The following COG5 variants were observed in gnomAD, a reference collection of about 807,000 sequenced individuals.
COG5 encodes the protein component of oligomeric golgi complex 5.
Under a neutral mutation model 110.4 loss-of-function variants are expected in COG5, and 86 were observed. The observed-to-expected ratio is 0.78, with a 90% CI of 0.65 to 0.93. The LOEUF (loss-of-function observed/expected upper bound fraction) is 0.93, where lower values mean the gene tolerates loss of function less well. Ranked by LOEUF, COG5 falls within the 40% of genes least tolerant of loss-of-function variation. The pLI is 0.00. For synonymous variants in COG5, 360 were observed against 334.6 expected, an observed-to-expected ratio of 1.08 and a Z score of -0.83; for missense variants, 1,077 against 987.0, an observed-to-expected ratio of 1.09 and a Z score of -1.22.
chr7:107,342,342 A>G (rs575606116), intron 10 of COG5, among the ~76,000 whole-genome samples: 1 of 150,974 alleles, frequency 6.6e-6, no homozygotes, highest in Non-Finnish European at 1.5e-5. Context: ...TAGCTATTAT[A>G]AAAGAGTCAA....
intron 19 of COG5, 128 bp from the exon 20 acceptor site, chr7:107,211,353 T>A: frequency 2.0e-6 from 2 of 1,015,318 alleles, no homozygotes; most frequent in Non-Finnish European, 3.0e-6. Context: ...CTCCACTGCT[T>A]AACCACTCTA....
chr7:107,342,535 G>A (rs1047405604), intron 10 of COG5, among the ~76,000 whole-genome samples: 3 of 151,908 alleles, frequency 2.0e-5, no homozygotes, highest in Admixed American at 6.6e-5. Flanking sequence ...AAAATTAGCT[G>A]GGCATGGTGG....
chr7:107,207,682 C>G (rs761548573), intron 21 of COG5, among the ~76,000 whole-genome samples: 2 of 152,248 alleles, frequency 1.3e-5, no homozygotes, highest in Admixed American at 6.5e-5. Flanking sequence ...AGGGAGCACA[C>G]GTGTCTGGAG....
intron 13 of COG5, among the ~76,000 whole-genome samples, chr7:107,282,917 C>T (rs78221160): frequency 0.027 from 4,102 of 152,150 alleles, 172 homozygotes; most frequent in African/African-American, 0.093. Context: ...TTCCTTAAAA[C>T]GTCCATCTCA....
At chr7:107,289,923 T>C (rs1194112016) in intron 12 of COG5, among the ~76,000 whole-genome samples, 1 of 152,232 alleles carries the variant, frequency 6.6e-6, no homozygotes, top group Non-Finnish European at 1.5e-5. Context: ...AATTGAGTTA[T>C]GCAAAAAAAC....
chr7:107,346,455 A>T (rs182425871), intron 10 of COG5, among the ~76,000 whole-genome samples: 6 of 152,338 alleles, frequency 3.9e-5, no homozygotes, highest in African/African-American at 1.4e-4. Flanking sequence ...CCTAGGCAAA[A>T]CTTGTTCAAG....
chr7:107,428,922 T>A (rs1421701295), intron 6 of COG5, among the ~76,000 whole-genome samples: 1 of 152,180 alleles, frequency 6.6e-6, no homozygotes, highest in African/African-American at 2.4e-5. Context: ...TGAATGAATA[T>A]GCTTATAAAG....
intron 18 of COG5, among the ~76,000 whole-genome samples, chr7:107,235,270 A>G (rs922711551): frequency 6.6e-6 from 1 of 152,230 alleles, no homozygotes; most frequent in East Asian, 1.9e-4. Context: ...GAAGCAAGAC[A>G]CACTCCCGGA....
intron 19 of COG5, among the ~76,000 whole-genome samples, chr7:107,216,630 A>G (rs981108860): frequency 2.6e-5 from 4 of 152,378 alleles, no homozygotes; most frequent in East Asian, 1.9e-4. Context: ...TGGAAATTAA[A>G]CAACATGCCC....
intron 6 of COG5, among the ~76,000 whole-genome samples, chr7:107,483,265 G>T (rs187949662): frequency 2.2e-4 from 34 of 152,212 alleles, no homozygotes; most frequent in African/African-American, 7.7e-4. Context: ...CTTTCACTAA[G>T]AACTTTTTCC....
At chr7:107,242,925 G>A (rs961630036) in intron 17 of COG5, among the ~76,000 whole-genome samples, 24 of 152,092 alleles carry the variant, frequency 1.6e-4, no homozygotes, top group African/African-American at 5.8e-4. Flanking sequence ...CCTCCGATTT[G>A]GGGAAGGAAC....
chr7:107,386,566 G>C (rs529582445), intron 7 of COG5, among the ~76,000 whole-genome samples: 1 of 152,246 alleles, frequency 6.6e-6, no homozygotes, highest in Non-Finnish European at 1.5e-5. Context: ...GTTTGGGGGG[G>C]ATTGTTCAGG....
At chr7:107,392,652 A>G (rs1284740168) in intron 7 of COG5, among the ~76,000 whole-genome samples, 1 of 150,380 alleles carries the variant, frequency 6.6e-6, no homozygotes, top group Non-Finnish European at 1.5e-5. Flanking sequence ...TCACTAATTC[A>G]TGAGGGAAAG....
intron 14 of COG5, among the ~76,000 whole-genome samples, chr7:107,276,038 C>G (rs1190401871): frequency 2.0e-5 from 3 of 152,070 alleles, no homozygotes; most frequent in Admixed American, 2.0e-4. Flanking sequence ...AGCTACTGAT[C>G]TGCATTGAAG....
chr7:107,306,492 A>G (rs574973890), intron 11 of COG5, among the ~76,000 whole-genome samples: 80 of 152,318 alleles, frequency 5.3e-4, no homozygotes, highest in African/African-American at 1.8e-3. Context: ...CTCATTTAAG[A>G]TTAACAGATA....
At chr7:107,223,751 A>G (rs1800121741) in intron 19 of COG5, among the ~76,000 whole-genome samples, 1 of 152,210 alleles carries the variant, frequency 6.6e-6, no homozygotes. Context: ...GGTGGTTACA[A>G]GCACAGGCTT....
chr7:107,553,627 TGTA>T (rs1372867062), intron 3 of COG5, among the ~76,000 whole-genome samples: 2 of 152,184 alleles, frequency 1.3e-5, no homozygotes, highest in African/African-American at 2.4e-5. Flanking sequence ...ATTTATGAGA[TGTA>T]GTTTAATTTA....
chr7:107,372,310 T>C (rs1814248169), intron 8 of COG5, among the ~76,000 whole-genome samples: 1 of 152,214 alleles, frequency 6.6e-6, no homozygotes, highest in Non-Finnish European at 1.5e-5. Flanking sequence ...ATATGTTCCT[T>C]GCCTTTTTAT....
chr7:107,295,616 G>A (rs978466483), intron 12 of COG5, among the ~76,000 whole-genome samples: 1 of 151,822 alleles, frequency 6.6e-6, no homozygotes, highest in Non-Finnish European at 1.5e-5. Context: ...TTCCTTGTTT[G>A]TGTCCTTGAA....
Sources: allele counts gnomAD v4.1 joint callset (sites outside exome capture counted in the v4.1 genomes callset), GRCh38; gene constraint gnomAD v4.1.1; transcripts MANE v1.5; gene names NCBI Gene and HGNC (gene_info 2026-07-23, HGNC 2026-07-21).